The following PTBP2 variants were observed in gnomAD, a reference collection of about 807,000 sequenced individuals.
PTBP2 encodes the protein polypyrimidine tract binding protein 2.
In PTBP2, 13 loss-of-function variants were observed where a neutral mutation model predicts 61.4. The ratio of observed to expected loss-of-function variants is 0.21; its 90% CI spans 0.14 to 0.34. The LOEUF is 0.34. Ranked by LOEUF, PTBP2 falls within the 10% of genes least tolerant of loss-of-function variation. PTBP2 has a pLI of 1.00. For synonymous variants in PTBP2, 215 were observed against 218.5 expected (o/e 0.98, Z 0.14); for missense variants, 405 against 642.6 (o/e 0.63, Z 4.00).
chr1:96,722,629 A>C, intron 1 of PTBP2, among the ~76,000 whole-genome samples: 1 of 152,362 alleles, frequency 6.6e-6, no homozygotes, highest in East Asian at 1.9e-4. Context: ...TTTGAAGCCG[A>C]CATCAGTCAC....
At chr1:96,811,680 T>C (rs928873520) in intron 11 of PTBP2, among the ~76,000 whole-genome samples, 3 of 152,206 alleles carry the variant, frequency 2.0e-5, no homozygotes, top group Non-Finnish European at 4.4e-5. Context: ...CCTCCCAAAG[T>C]GTTGGGATTA....
chr1:96,784,847 A>G (rs867131597), intron 7 of PTBP2: 7 of 448,718 alleles, frequency 1.6e-5, no homozygotes, highest in Middle Eastern at 5.8e-4. Context: ...TTTTAGGTTG[A>G]AGTAGCATTT....
At chr1:96,730,344 A>T (rs1364125132) in intron 2 of PTBP2, among the ~76,000 whole-genome samples, 2 of 152,144 alleles carry the variant, frequency 1.3e-5, no homozygotes, top group Non-Finnish European at 2.9e-5. Flanking sequence ...TTATTGCTGT[A>T]TGTTTCCCTT....
intron 3 of PTBP2, among the ~76,000 whole-genome samples, chr1:96,762,799 G>A (rs373052515): frequency 9.4e-5 from 14 of 149,018 alleles, no homozygotes; most frequent in Admixed American, 8.6e-4. Flanking sequence ...GCTGCCGGGC[G>A]GAGGGGCTCC....
Position 96,785,128 on chromosome 1 carries a change from T to G in PTBP2, c.778T>G (p.Leu260Val). 6.2e-7 allele frequency: 1 copy of G among 1,610,178 alleles called. No individual in the cohort carries two copies. The highest frequency in any genetic ancestry group is 8.5e-7 in the Non-Finnish European group (1 of 1,177,512). ...LRIDFSKLVN[L>V]NVKYNNDKSR... Reference sequence around the variant, plus strand: ...GATTGATTTTTCCAAACTTGTGAATTTGAATGTAAAATACAACAATGATAA... The same window carrying G: ...GATTGATTTTTCCAAACTTGTGAATGTGAATGTAAAATACAACAATGATAA... Residue 260 changes from leucine to valine, a missense_variant, in exon 8 of 14, where the codon TTG becomes GTG. Physicochemically the swap from Leu to Val is conservative, Grantham distance 32. Transcript: ENST00000674951.
chr1:96,737,620 C>A (rs1244758885), intron 2 of PTBP2, among the ~76,000 whole-genome samples: 1 of 151,974 alleles, frequency 6.6e-6, no homozygotes, highest in Admixed American at 6.6e-5. Flanking sequence ...TTTAAAGCTA[C>A]AAAAACAAGT....
downstream of PTBP2, chr1:96,818,468 C>T (rs1021738728): frequency 1.3e-5 from 2 of 152,024 alleles, no homozygotes; most frequent in African/African-American, 4.8e-5. Flanking sequence ...GTTGCTTTCT[C>T]TAATATCTAG....
chr1:96,775,720 T>C (rs1657959405), intron 5 of PTBP2, among the ~76,000 whole-genome samples: 1 of 152,074 alleles, frequency 6.6e-6, no homozygotes, highest in South Asian at 2.1e-4. Flanking sequence ...TGATAAGAAG[T>C]TTTATTAAAA....
At chr1:96,823,454 ATG>A (rs1212490336) in exon 14 of PTBP2, 1 of 152,218 alleles carries the variant, frequency 6.6e-6, no homozygotes, top group East Asian at 1.9e-4. Context: ...GAAAGAATTA[ATG>A]TAGATAAGCA....
chr1:96,740,089 A>G (rs72974586), intron 2 of PTBP2, among the ~76,000 whole-genome samples: 6,011 of 152,220 alleles, frequency 0.039, 384 homozygotes, highest in African/African-American at 0.13. Flanking sequence ...ATTTTGTAGC[A>G]TGTGACAAGA....
At chr1:96,738,449 A>G (rs1173277513) in intron 2 of PTBP2, among the ~76,000 whole-genome samples, 4 of 151,730 alleles carry the variant, frequency 2.6e-5, no homozygotes, top group Non-Finnish European at 4.4e-5. Context: ...AATTTTTTGT[A>G]TTTTTAGTAG....
chr1:96,772,560 C>T lies in PTBP2; in HGVS notation c.432+1709C>T, dbSNP rs776906216. Among the ~76,000 whole-genome samples the T allele has an allele frequency of 5.9e-5, 9 of 152,030 alleles. No homozygotes were observed. The South Asian group carries it at 6.2e-4, about 10-fold the overall frequency. ...AACTTTGTACTTTGACCATCATCAC[C>T]CCTTCCCTGTTCACTCCTCCCTCCC... is the stretch of plus-strand genomic sequence containing the variant. On this transcript the variant is annotated intron_variant, in intron 5 of 13. Transcript: ENST00000674951.
chr1:96,767,609 A>G (rs7540478), intron 3 of PTBP2, among the ~76,000 whole-genome samples: 30,970 of 152,084 alleles, frequency 0.2, 3,351 homozygotes, highest in African/African-American at 0.27. Flanking sequence ...TATCAGAATA[A>G]TATGTGTTCC....
chr1:96,754,531 A>C (rs1654938716), intron 3 of PTBP2, among the ~76,000 whole-genome samples: 1 of 152,196 alleles, frequency 6.6e-6, no homozygotes, highest in South Asian at 2.1e-4. Flanking sequence ...GTGTAATCTC[A>C]TTTAAAAAGA....
At chr1:96,789,830 A>G (rs1314818455) in intron 8 of PTBP2, among the ~76,000 whole-genome samples, 2 of 152,112 alleles carry the variant, frequency 1.3e-5, no homozygotes, top group Non-Finnish European at 1.5e-5. Flanking sequence ...ACATTGTGAC[A>G]TGTCTTCTCA....
intron 2 of PTBP2, among the ~76,000 whole-genome samples, chr1:96,744,813 G>A (rs1653530075): frequency 6.6e-6 from 1 of 152,070 alleles, no homozygotes; most frequent in Non-Finnish European, 1.5e-5. Flanking sequence ...TGTTAGCAAA[G>A]CCTTTATACT....
chr1:96,806,844 C>T (rs576576892), intron 10 of PTBP2, 22 bp from the exon 11 acceptor site: 6 of 1,576,506 alleles, frequency 3.8e-6, no homozygotes, highest in Middle Eastern at 3.4e-4. Context: ...TTTTGGATTA[C>T]CTCTCTGTGG....
At chr1:96,775,545 G>T (rs1657937557) in intron 5 of PTBP2, among the ~76,000 whole-genome samples, 1 of 152,162 alleles carries the variant, frequency 6.6e-6, no homozygotes, top group Non-Finnish European at 1.5e-5. Context: ...CATCTGATAT[G>T]ATTCCATTTA....
At chr1:96,764,107 C>G (rs527764469) in intron 3 of PTBP2, among the ~76,000 whole-genome samples, 1 of 152,218 alleles carries the variant, frequency 6.6e-6, no homozygotes, top group African/African-American at 2.4e-5. Context: ...CCTAAGGCAT[C>G]TGTCTCAACA....
Sources: gnomAD v4.1 joint callset for allele counts (sites outside exome capture counted in the v4.1 genomes callset) on GRCh38, gnomAD v4.1.1 for gene constraint, MANE v1.5 for transcripts, NCBI Gene and HGNC (gene_info 2026-07-23, HGNC 2026-07-21) for gene names.